Variants in CCKBR observed in about 807,000 individuals in gnomAD.
CCKBR encodes gastrin/cholecystokinin type B receptor.
A neutral mutation model predicts 34.6 loss-of-function variants in CCKBR; 33 were observed. The observed-to-expected ratio is 0.95, with a 90% confidence interval of 0.72 to 1.27. The LOEUF is 1.27. Among genes scored for constraint, CCKBR ranks in the 50% most tolerant of loss-of-function variants. The pLI, the probability that CCKBR is intolerant of heterozygous loss-of-function variation, is 0.00. For missense variants in CCKBR, 652 were observed against 617.4 expected, an observed-to-expected ratio of 1.06 and a Z score of -0.59; for synonymous variants, 269 against 267.5, an observed-to-expected ratio of 1.01 and a Z score of -0.06.
chr11:6,267,187 G>T (rs1355474240), intron 1 of CCKBR, among the ~76,000 whole-genome samples: 1 of 152,118 alleles, frequency 6.6e-6, no homozygotes, highest in Non-Finnish European at 1.5e-5. Flanking sequence ...TACACTAAAT[G>T]TATTTAATAA....
At chr11:6,269,538 ACTGAGCAGTTCAT>A in intron 1 of CCKBR, 118 bp from the exon 2 acceptor site, 1 of 1,056,762 alleles carries the variant, frequency 9.5e-7, no homozygotes, top group South Asian at 1.5e-5. Context: ...TTCACCATTT[ACTGAGCAGTTCAT>A]CGGTGGGGAA....
chr11:6,270,414 T>C, intron 3 of CCKBR, 77 bp downstream of exon 3: 1 of 1,523,264 alleles, frequency 6.6e-7, no homozygotes. Context: ...CCCAGAATCT[T>C]CCTCCAGCTT....
At position 6,270,349 on chromosome 11, in the gene CCKBR, C is replaced by T. The variant is rs1848279495; in HGVS notation, c.653+12C>T. On this transcript the variant is annotated intron_variant, in intron 3 of 4. Coordinates refer to ENST00000334619, the MANE Select transcript of CCKBR (RefSeq NM_176875.4). ...GTCCGCCAGACCTGGTGAGCTTGCC[C>T]ATAAACTATCCTAGGAATTCCTTTC... is the stretch of plus-strand genomic sequence containing the variant. 1 of 1,606,136 alleles carries T rather than the reference C, an allele frequency of 6.2e-7. No individual in the cohort carries two copies. The highest frequency in any genetic ancestry group is 1.1e-5 in the South Asian group (1 of 90,684).
At position 6,270,254 on chromosome 11, in the gene CCKBR, C is replaced by A; in HGVS notation, c.570C>A (p.Pro190=). 6.2e-7 allele frequency: 1 copy of A among 1,613,252 alleles called. No homozygotes were observed. The highest frequency in any genetic ancestry group is 2.2e-5 in the East Asian group (1 of 44,886). ...LLSGLLMVPY[P]VYTVVQPVGP... is the part of the protein sequence containing the mutation. Reference sequence around the variant, plus strand: ...CCGGACTACTCATGGTGCCCTACCCCGTGTACACTGTCGTGCAACCAGTGG... The same window carrying A: ...CCGGACTACTCATGGTGCCCTACCCAGTGTACACTGTCGTGCAACCAGTGG... The change falls in exon 3 of 5, where the codon CCC becomes CCA. Residue 190 remains proline, a synonymous_variant. Coordinates refer to ENST00000334619, the MANE Select transcript of CCKBR (RefSeq NM_176875.4).
At chr11:6,261,462 T>TATATATATATATATACACACACACAC (rs764173521) in intron 1 of CCKBR, among the ~76,000 whole-genome samples, 3 of 63,996 alleles carry the variant, frequency 4.7e-5, no homozygotes, top group Non-Finnish European at 8.5e-5. Context: ...AAAATATATA[T>TATATATATATATATACACACACACAC]ACACACACAC....
At position 6,271,880 on chromosome 11, in the gene CCKBR, C is replaced by G. The variant is rs199527484; in HGVS notation, c.*337C>G. The stretch of plus-strand genomic sequence containing the variant: ...CTCTCACACACATAGATTAATGGCA[C>G]TGATTGTTTTAGAGACTATGGAGCC... On this transcript the variant is annotated 3_prime_UTR_variant, in exon 5 of 5. Coordinates refer to ENST00000334619, the MANE Select transcript of CCKBR (RefSeq NM_176875.4). 5 of 283,898 alleles carry G rather than the reference C, an allele frequency of 1.8e-5. No homozygotes were observed. Among genetic ancestry groups the G allele is most frequent in the South Asian group, 1.0e-4 (1 of 9,894 alleles). The allele number at this position is 283,898 out of a possible 1,614,324, so 17.6% of individuals were successfully genotyped here. A position where few individuals can be genotyped will look rare whatever the true frequency, so the allele number is the denominator to read the frequency against.
At chr11:6,269,338 G>T (rs1848256328) in intron 1 of CCKBR, among the ~76,000 whole-genome samples, 1 of 152,010 alleles carries the variant, frequency 6.6e-6, no homozygotes, top group African/African-American at 2.4e-5. Context: ...CACTGATAGG[G>T]CACAGAATAT....
rs202162389 is a variant in CCKBR at position 6,259,994 on chromosome 11, C to T, written c.66C>T (p.Cys22=). The T allele has an allele frequency of 1.3e-6, 2 of 1,585,130 alleles. No homozygotes were observed. Among genetic ancestry groups the T allele is most frequent in the East Asian group, 2.4e-5 (1 of 41,514 alleles). ...GACCCGGGCCGGGGGCTTCCCTGTG[C>T]CGCCCGGGGGCGCCTCTCCTCAACA... ...GTGPGPGASL[C]RPGAPLLNSS... is the part of the protein sequence containing the mutation. Residue 22 remains cysteine (C), a synonymous_variant, in exon 1 of 5, where the codon TGC becomes TGT. Transcript: ENST00000334619.
rs374621398 is a variant in CCKBR, at chr11:6,263,964, A to G, written c.151+3885A>G. 3.9e-5 allele frequency among the ~76,000 whole-genome samples: 6 copies of G among 152,250 alleles called. No individual in the cohort carries two copies. The East Asian group carries it at 9.6e-4, about 24-fold the overall frequency. On this transcript the variant is annotated intron_variant, in intron 1 of 4. Coordinates refer to ENST00000334619, the MANE Select transcript of CCKBR (RefSeq NM_176875.4). ...ATGTTACCTACAAAATGTTATCTACAGAGAGTTGGATATTAACCCTTGCTC... is the reference window on the plus strand; with the variant it reads ...ATGTTACCTACAAAATGTTATCTACGGAGAGTTGGATATTAACCCTTGCTC...
At chr11:6,264,594 G>A (rs1048251107) in intron 1 of CCKBR, 10 of 698,604 alleles carry the variant, frequency 1.4e-5, no homozygotes, top group East Asian at 5.4e-5. Context: ...TGATGCTCAC[G>A]GGTAGACTTA....
chr11:6,259,970 A>G lies in CCKBR; in HGVS notation c.42A>G (p.Gly14=), dbSNP rs1046984836. The change falls in exon 1 of 5, where the codon GGA becomes GGG. Residue 14 remains glycine (G), a synonymous_variant. Coordinates refer to ENST00000334619, the MANE Select transcript of CCKBR (RefSeq NM_176875.4). The part of the protein sequence containing the change: ...LKLNRSVQGT[G]PGPGASLCRP... ...TGAACCGGAGCGTGCAGGGAACCGGACCCGGGCCGGGGGCTTCCCTGTGCC... is the reference window on the plus strand; with the variant it reads ...TGAACCGGAGCGTGCAGGGAACCGGGCCCGGGCCGGGGGCTTCCCTGTGCC... 1.3e-6 allele frequency: 2 copies of G among 1,552,348 alleles called. No homozygotes were observed. Among genetic ancestry groups the G allele is most frequent in the African/African-American group, 2.8e-5 (2 of 70,510 alleles).
In CCKBR at chr11:6,271,603, C is replaced by G; in HGVS notation, c.*60C>G. 6.8e-7 allele frequency: 1 copy of G among 1,463,094 alleles called. No homozygotes were observed. The highest frequency in any genetic ancestry group is 9.1e-7 in the Non-Finnish European group (1 of 1,098,164). 90.6% of individuals were successfully genotyped at this position (1,463,094 alleles called of 1,614,324 possible). A position where few individuals can be genotyped will look rare whatever the true frequency, so the allele number is the denominator to read the frequency against. On this transcript the variant is annotated 3_prime_UTR_variant, in exon 5 of 5. Coordinates refer to ENST00000334619, the MANE Select transcript of CCKBR (RefSeq NM_176875.4). ...AATGACATGCACTGACCCTTCCAGA[C>G]ATACGAAACACAAACCACAACTGAC...
chr11:6,266,119 T>C (rs184012260), intron 1 of CCKBR, among the ~76,000 whole-genome samples: 1 of 152,190 alleles, frequency 6.6e-6, no homozygotes. Context: ...ATTACATACA[T>C]ACTAATACAG....
Position 6,270,266 on chromosome 11 carries a change from C to T in CCKBR, c.582C>T (p.Val194=), listed in dbSNP as rs1288979602. 5 of 1,613,224 alleles carry T rather than the reference C, an allele frequency of 3.1e-6. No homozygotes were observed. Among genetic ancestry groups the T allele is most frequent in the Non-Finnish European group, 3.4e-6 (4 of 1,180,038 alleles). ...TGGTGCCCTACCCCGTGTACACTGT[C>T]GTGCAACCAGTGGGGCCTCGTGTGC... ...LLMVPYPVYT[V]VQPVGPRVLQ... The change falls in exon 3 of 5, where the codon GTC becomes GTT. Residue 194 remains valine (V), a synonymous_variant. Coordinates refer to ENST00000334619, the MANE Select transcript of CCKBR (RefSeq NM_176875.4).
intron 1 of CCKBR, among the ~76,000 whole-genome samples, chr11:6,262,202 C>G (rs981086365): frequency 6.6e-6 from 1 of 152,100 alleles, no homozygotes; most frequent in Admixed American, 6.5e-5. Context: ...GGGTCTGGAA[C>G]TTACAGGAGA....
rs141038981 is a variant in CCKBR, at chr11:6,269,701, G to A, written c.184G>A (p.Ala62Thr). ...GCTGGCCATTAGAATCACTCTTTAC[G>A]CAGTGATCTTCCTGATGAGCGTTGG... is the stretch of plus-strand genomic sequence containing the variant. ...LELAIRITLY[A>T]VIFLMSVGGN... Residue 62 changes from alanine (A) to threonine (T), a missense_variant, in exon 2 of 5, where the codon GCA (alanine) becomes ACA (threonine). Coordinates refer to ENST00000334619, the MANE Select transcript of CCKBR (RefSeq NM_176875.4). 3.1e-5 allele frequency: 50 copies of A among 1,613,816 alleles called. No individual in the cohort carries two copies. The highest frequency in any genetic ancestry group is 2.8e-4 in the Admixed American group (17 of 60,006).
chr11:6,263,926 A>G (rs1317160658), intron 1 of CCKBR, among the ~76,000 whole-genome samples: 1 of 152,228 alleles, frequency 6.6e-6, no homozygotes, highest in Admixed American at 6.5e-5. Flanking sequence ...AATGTAATCT[A>G]TGCTTCCTGA....
Position 6,271,644 on chromosome 11 carries a change from C to T in CCKBR, c.*101C>T. ...CACAACTGACACAGGAAACCAACAC[C>T]CAAAGCATGGACTAACCCCAACGCA... On this transcript the variant is annotated 3_prime_UTR_variant, in exon 5 of 5. Transcript: ENST00000334619. 1 of 1,213,934 alleles carries T rather than the reference C, an allele frequency of 8.2e-7. No homozygotes were observed. Among genetic ancestry groups the T allele is most frequent in the Non-Finnish European group, 1.1e-6 (1 of 888,744 alleles). The allele number at this position is 1,213,934 out of a possible 1,614,324, so 75.2% of individuals were successfully genotyped here. A position where few individuals can be genotyped will look rare whatever the true frequency, so the allele number is the denominator to read the frequency against.
At position 6,270,725 on chromosome 11, in the gene CCKBR, C is replaced by G; in HGVS notation, c.733C>G (p.Leu245Val). The G allele has an allele frequency of 6.2e-7, 1 of 1,614,214 alleles. No individual in the cohort carries two copies. The highest frequency in any genetic ancestry group is 8.5e-7 in the Non-Finnish European group (1 of 1,180,044). The change falls in exon 4 of 5, where the codon CTC becomes GTC. Residue 245 changes from leucine to valine, a missense_variant. Transcript: ENST00000334619. ...AVAYGLISRE[L>V]YLGLRFDGDS... Reference sequence around the variant, plus strand: ...GGCCTACGGGCTTATCTCTCGCGAGCTCTACTTAGGGCTTCGCTTTGACGG... The same window carrying G: ...GGCCTACGGGCTTATCTCTCGCGAGGTCTACTTAGGGCTTCGCTTTGACGG...
Sources: allele counts gnomAD v4.1 joint callset (sites outside exome capture counted in the v4.1 genomes callset), GRCh38; gene constraint gnomAD v4.1.1; transcripts MANE v1.5; gene names NCBI Gene and HGNC (gene_info 2026-07-23, HGNC 2026-07-21).